The following DENND11 variants were observed in gnomAD, a reference collection of about 807,000 sequenced individuals.
The protein encoded by DENND11 is DENN domain containing 11.
In DENND11, 34 loss-of-function variants were observed where a neutral mutation model predicts 49.2. That is an observed-to-expected ratio of 0.69 (90% CI 0.53 to 0.92). The LOEUF (loss-of-function observed/expected upper bound fraction) is 0.92. Ranked by LOEUF, DENND11 falls within the 40% of genes least tolerant of loss-of-function variation. DENND11 has a pLI of 0.00. For missense variants in DENND11, 475 were observed against 581.6 expected, an observed-to-expected ratio of 0.82 and a Z score of 1.88; for synonymous variants, 238 against 230.3, an observed-to-expected ratio of 1.03 and a Z score of -0.30.
chr7:141,668,029 C>T (rs1562995944), intron 4 of DENND11, among the ~76,000 whole-genome samples: 2 of 152,228 alleles, frequency 1.3e-5, no homozygotes, highest in Non-Finnish European at 1.5e-5. Flanking sequence ...GGAAAGGGTG[C>T]CAAAGCACGT....
chr7:141,696,734 A>G (rs1433810372), intron 1 of DENND11, among the ~76,000 whole-genome samples: 1 of 152,236 alleles, frequency 6.6e-6, no homozygotes, highest in African/African-American at 2.4e-5. Context: ...GGTCCCAACA[A>G]TACATTCCCT....
At chr7:141,700,517 T>C (rs1798494045) in intron 1 of DENND11, among the ~76,000 whole-genome samples, 1 of 151,346 alleles carries the variant, frequency 6.6e-6, no homozygotes, top group East Asian at 1.9e-4. Flanking sequence ...ATGCATTACA[T>C]GTAGAAGGAG....
chr7:141,666,173 C>A (rs1797890974), intron 5 of DENND11, 114 bp downstream of exon 5: 1 of 1,206,398 alleles, frequency 8.3e-7, no homozygotes, highest in Non-Finnish European at 1.1e-6. Flanking sequence ...GGGCTTAAAA[C>A]CCCATCCCCT....
intron 4 of DENND11, among the ~76,000 whole-genome samples, chr7:141,670,125 T>G (rs1371894938): frequency 1.3e-5 from 2 of 152,186 alleles, no homozygotes; most frequent in East Asian, 1.9e-4. Context: ...CATGCTATTT[T>G]TAAGTACTGT....
chr7:141,663,281 G>C (rs1334393871), intron 8 of DENND11: 4 of 162,328 alleles, frequency 2.5e-5, no homozygotes, highest in African/African-American at 9.6e-5. Flanking sequence ...ATGACTCTTT[G>C]GGAGGAGTGA....
At chr7:141,683,854 C>G (rs1798188051) in intron 3 of DENND11, among the ~76,000 whole-genome samples, 1 of 152,066 alleles carries the variant, frequency 6.6e-6, no homozygotes, top group Non-Finnish European at 1.5e-5. Context: ...AGGGAACAGG[C>G]CAATAGTATT....
At chr7:141,701,786 G>T in intron 1 of DENND11, 100 bp downstream of exon 1, 1 of 984,286 alleles carries the variant, frequency 1.0e-6, no homozygotes, top group Non-Finnish European at 1.3e-6. Flanking sequence ...GTGCGGGGCC[G>T]GGAGGGCAGG....
chr7:141,689,343 A>G (rs532409240), intron 1 of DENND11, among the ~76,000 whole-genome samples: 1 of 152,332 alleles, frequency 6.6e-6, no homozygotes, highest in African/African-American at 2.4e-5. Flanking sequence ...TCAGCAAACT[A>G]ACATGGGAAC....
intron 1 of DENND11, among the ~76,000 whole-genome samples, chr7:141,689,224 C>T (rs1205036636): frequency 2.0e-5 from 3 of 151,992 alleles, no homozygotes; most frequent in Non-Finnish European, 2.9e-5. Context: ...AATGGTAGAC[C>T]GGATAAAGAA....
intron 1 of DENND11, among the ~76,000 whole-genome samples, chr7:141,701,135 C>G (rs989827275): frequency 6.6e-6 from 1 of 152,048 alleles, no homozygotes; most frequent in African/African-American, 2.4e-5. Flanking sequence ...CGCACACCCC[C>G]CTGCCGGGTG....
intron 3 of DENND11, among the ~76,000 whole-genome samples, chr7:141,684,061 A>G (rs1229679996): frequency 6.6e-6 from 1 of 152,088 alleles, no homozygotes; most frequent in Non-Finnish European, 1.5e-5. Flanking sequence ...CTAAGTAGCT[A>G]GGACTACAGG....
intron 4 of DENND11, among the ~76,000 whole-genome samples, chr7:141,669,636 AT>A (rs1292145872): frequency 6.6e-6 from 1 of 151,956 alleles, no homozygotes; most frequent in African/African-American, 2.4e-5. Context: ...AAAGTTTTAT[AT>A]TTCAATAAAA....
At chr7:141,694,057 T>C (rs906094292) in intron 1 of DENND11, among the ~76,000 whole-genome samples, 1 of 152,176 alleles carries the variant, frequency 6.6e-6, no homozygotes, top group African/African-American at 2.4e-5. Flanking sequence ...GGAAATTATA[T>C]GTGTATGAGT....
chr7:141,696,561 C>A (rs990756325), intron 1 of DENND11, among the ~76,000 whole-genome samples: 2 of 152,232 alleles, frequency 1.3e-5, no homozygotes, highest in African/African-American at 2.4e-5. Flanking sequence ...CCTCTTCCAG[C>A]TCCTCTGACC....
rs1000002656 is a variant in DENND11, at chr7:141,666,728, A to G, written c.682-303T>C. Among the ~76,000 whole-genome samples, 4 of 152,226 alleles carry G rather than the reference A, an allele frequency of 2.6e-5. No homozygotes were observed. In the East Asian group the frequency reaches 5.8e-4, roughly 22 times the overall value. ...TTAAATTTAAAAAAACCAGAATAAA[A>G]GCATCTGCTTCAATAAGAAAACTCA... On this transcript the variant is annotated intron_variant, in intron 4 of 8. Coordinates refer to ENST00000536163, the MANE Select transcript of DENND11 (RefSeq NM_001080392.2).
intron 7 of DENND11, among the ~76,000 whole-genome samples, 200 bp downstream of exon 7, chr7:141,664,704 C>T (rs1056383745): frequency 6.6e-6 from 1 of 152,168 alleles, no homozygotes; most frequent in Non-Finnish European, 1.5e-5. Context: ...GATCTACTCC[C>T]CTCCTATCAG....
chr7:141,685,714 A>C, intron 2 of DENND11, 78 bp from the exon 3 acceptor site: 3 of 1,488,886 alleles, frequency 2.0e-6, no homozygotes, highest in Non-Finnish European at 9.2e-7. Context: ...AAACAAATGA[A>C]CTGTGTTCGG....
At chr7:141,682,815 A>G (rs1798167079) in intron 3 of DENND11, among the ~76,000 whole-genome samples, 1 of 152,184 alleles carries the variant, frequency 6.6e-6, no homozygotes, top group Admixed American at 6.5e-5. Context: ...CCACCTTAAA[A>G]TTTTTGGATT....
chr7:141,677,182 T>A (rs564740239), intron 3 of DENND11, among the ~76,000 whole-genome samples: 219 of 151,998 alleles, frequency 1.4e-3, no homozygotes, highest in African/African-American at 4.9e-3. Context: ...TCCCAGCACT[T>A]TGGGAGGCTG....
Sources: allele counts gnomAD v4.1 joint callset (sites outside exome capture counted in the v4.1 genomes callset), GRCh38; gene constraint gnomAD v4.1.1; transcripts MANE v1.5; gene names NCBI Gene and HGNC (gene_info 2026-07-23, HGNC 2026-07-21).